PHF24: variants seen among roughly 807,000 people sequenced by gnomAD.
PHF24 encodes the protein Galpha inhibitory interacting protein.
Under a neutral mutation model 42.6 loss-of-function variants are expected in PHF24, and 25 were observed. That is an observed-to-expected ratio of 0.59 (90% CI 0.43 to 0.82). PHF24 has a LOEUF of 0.82. Among genes scored for constraint, PHF24 ranks in the 40% least tolerant of loss-of-function variants. PHF24 has a pLI of 0.00. For missense variants in PHF24, 470 were observed against 538.1 expected (o/e 0.87, Z 1.25); for synonymous variants, 185 against 204.8 (o/e 0.90, Z 0.83).
At chr9:34,735,301 A>C in the PHF24 span, among the ~76,000 whole-genome samples, 1 of 151,086 alleles carries the variant, frequency 6.6e-6, no homozygotes, top group Admixed American at 6.6e-5. Flanking sequence ...ATGCCCAGCT[A>C]ATTTGTTGTA....
the PHF24 span, among the ~76,000 whole-genome samples, chr9:34,775,432 G>C: frequency 6.6e-6 from 1 of 152,154 alleles, no homozygotes; most frequent in East Asian, 1.9e-4. Flanking sequence ...CGTTCCAGTT[G>C]GGATAATGAA....
At chr9:34,806,915 G>GT in the PHF24 span, among the ~76,000 whole-genome samples, 1 of 152,196 alleles carries the variant, frequency 6.6e-6, no homozygotes, top group Non-Finnish European at 1.5e-5. Flanking sequence ...CAGCATTGCT[G>GT]AACTTATTTA....
chr9:34,975,336 G>A (rs997516161), intron 3 of PHF24, among the ~76,000 whole-genome samples: 2 of 152,136 alleles, frequency 1.3e-5, no homozygotes, highest in African/African-American at 4.8e-5. Flanking sequence ...TGAAAGTATG[G>A]TTTGAAAGAA....
the PHF24 span, among the ~76,000 whole-genome samples, chr9:34,845,765 A>G: frequency 8.8e-3 from 922 of 105,140 alleles, 17 homozygotes; most frequent in African/African-American, 0.033. Flanking sequence ...CCACCCCACA[A>G]CAGTCCCCAG....
chr9:34,730,345 T>C, the PHF24 span, among the ~76,000 whole-genome samples: 1 of 152,212 alleles, frequency 6.6e-6, no homozygotes, highest in South Asian at 2.1e-4. Flanking sequence ...TTTGTAGATA[T>C]TGTGATATGC....
At chr9:34,895,844 A>G in the PHF24 span, 97 of 397,294 alleles carry the variant, frequency 2.4e-4, 1 homozygote, top group South Asian at 4.9e-3. Context: ...ACCAGACTGC[A>G]TCACAAAGCC....
chr9:34,747,823 G>A, the PHF24 span, among the ~76,000 whole-genome samples: 12 of 152,068 alleles, frequency 7.9e-5, no homozygotes, highest in Admixed American at 7.2e-4. Context: ...AAACACACAC[G>A]TGTTCACCAA....
the PHF24 span, among the ~76,000 whole-genome samples, chr9:34,926,448 A>G: frequency 6.6e-6 from 1 of 151,722 alleles, no homozygotes; most frequent in Non-Finnish European, 1.5e-5. The surrounding 1 kb of genome is among the most constrained non-coding windows in gnomAD (Gnocchi z 4.3). Flanking sequence ...GATACACCTG[A>G]TGGGGTGATT....
At chr9:34,938,434 T>A in the PHF24 span, among the ~76,000 whole-genome samples, 2 of 152,124 alleles carry the variant, frequency 1.3e-5, no homozygotes, top group Admixed American at 1.3e-4. Flanking sequence ...CAAAAGCCTT[T>A]CCGGGAGAGT....
At chr9:34,764,894 G>A in the PHF24 span, among the ~76,000 whole-genome samples, 1 of 150,940 alleles carries the variant, frequency 6.6e-6, no homozygotes, top group Non-Finnish European at 1.5e-5. Flanking sequence ...ATTCTGGTAT[G>A]TTGTGTCTTT....
chr9:34,922,686 C>A, the PHF24 span: 5 of 1,341,656 alleles, frequency 3.7e-6, no homozygotes, highest in Admixed American at 8.4e-5. Flanking sequence ...TATTCTTGAG[C>A]CATCTGCTGT....
the PHF24 span, among the ~76,000 whole-genome samples, chr9:34,787,617 T>C: frequency 1.3e-5 from 2 of 152,230 alleles, no homozygotes; most frequent in African/African-American, 4.8e-5. Flanking sequence ...CAGACATTGA[T>C]TGAGGCTGTA....
At chr9:34,910,800 T>C in the PHF24 span, among the ~76,000 whole-genome samples, 9 of 152,246 alleles carry the variant, frequency 5.9e-5, no homozygotes, top group East Asian at 1.5e-3. Context: ...TATCTTTAGA[T>C]ATATATGACT....
chr9:34,943,327 T>C, the PHF24 span, among the ~76,000 whole-genome samples: 4 of 152,218 alleles, frequency 2.6e-5, no homozygotes, highest in Admixed American at 1.3e-4. Context: ...ATTACATCTT[T>C]TACCTCACAG....
At chr9:34,893,745 G>A in the PHF24 span, among the ~76,000 whole-genome samples, 1 of 152,316 alleles carries the variant, frequency 6.6e-6, no homozygotes, top group East Asian at 1.9e-4. Flanking sequence ...GCTGGGGTCA[G>A]TTCTCTGTTG....
chr9:34,949,023 T>C, the PHF24 span, among the ~76,000 whole-genome samples: 912 of 152,278 alleles, frequency 6.0e-3, 6 homozygotes, highest in African/African-American at 0.02. Flanking sequence ...TAATAACAGA[T>C]GCTAAAGCAT....
At chr9:34,680,328 T>C in the PHF24 span, among the ~76,000 whole-genome samples, 2 of 151,530 alleles carry the variant, frequency 1.3e-5, no homozygotes, top group Admixed American at 6.6e-5. Context: ...TGAGCCGAGA[T>C]CGCACCACTG....
chr9:34,767,035 T>A, the PHF24 span, among the ~76,000 whole-genome samples: 1 of 152,198 alleles, frequency 6.6e-6, no homozygotes, highest in African/African-American at 2.4e-5. Context: ...GAACCGCGAA[T>A]GCTGCTGTCT....
chr9:34,967,063 A>G (rs1826800797), intron 1 of PHF24, among the ~76,000 whole-genome samples: 1 of 151,760 alleles, frequency 6.6e-6, no homozygotes, highest in African/African-American at 2.4e-5. Context: ...TTTTACATAT[A>G]CCCACAGGTG....
Sources: allele counts gnomAD v4.1 joint callset (sites outside exome capture counted in the v4.1 genomes callset), GRCh38; gene constraint gnomAD v4.1.1; non-coding constraint Gnocchi (gnomAD v3.1); transcripts MANE v1.5; gene names NCBI Gene and HGNC (gene_info 2026-07-23, HGNC 2026-07-21).